DPP6: variants seen among roughly 807,000 people sequenced by gnomAD.
DPP6 encodes the protein dipeptidyl peptidase like 6.
A neutral mutation model predicts 122.6 loss-of-function variants in DPP6; 69 were observed. The observed-to-expected ratio is 0.56, with a 90% CI of 0.46 to 0.69. The LOEUF is 0.69. Ranked by LOEUF, DPP6 falls within the 30% of genes least tolerant of loss-of-function variation. The pLI is 0.00. For missense variants in DPP6, 928 were observed against 1,116.9 expected (o/e 0.83, Z 2.41); for synonymous variants, 418 against 433.1 (o/e 0.97, Z 0.43).
chr7:154,159,580 C>G (rs536943981), intron 1 of DPP6, among the ~76,000 whole-genome samples: 1 of 152,118 alleles, frequency 6.6e-6, no homozygotes, highest in Admixed American at 6.5e-5. Context: ...AAGAATTACT[C>G]TCTCCTCTCA....
At chr7:154,855,050 CCTAT>C (rs1802715802) in intron 17 of DPP6, among the ~76,000 whole-genome samples, 1 of 151,990 alleles carries the variant, frequency 6.6e-6, no homozygotes, top group African/African-American at 2.4e-5. Context: ...CTCCCTGATT[CCTAT>C]CTCTGTGGTG....
chr7:153,775,206 A>G, the DPP6 span, among the ~76,000 whole-genome samples: 2 of 145,116 alleles, frequency 1.4e-5, no homozygotes, highest in African/African-American at 5.1e-5. Context: ...ATCACAACCA[A>G]GTCAAGTTTG....
rs949213768 is a variant in DPP6, at chr7:153,932,819, A to G, written c.51+45085A>G. 3.3e-5 allele frequency among the ~76,000 whole-genome samples: 5 copies of G among 152,244 alleles called. No homozygotes were observed. In the East Asian group the frequency reaches 9.7e-4, roughly 29 times the overall value. On this transcript the variant is annotated intron_variant, in intron 1 of 25. Coordinates refer to the DPP6 transcript ENST00000404039. ...CCTCCTGATGATCTTAACCCGTGTCATATAGTTTGGCTGTGTCCCCACCCA... is the reference window on the plus strand; with the variant it reads ...CCTCCTGATGATCTTAACCCGTGTCGTATAGTTTGGCTGTGTCCCCACCCA...
intron 1 of DPP6, among the ~76,000 whole-genome samples, chr7:154,407,609 C>T (rs1816227734): frequency 6.6e-6 from 1 of 152,124 alleles, no homozygotes; most frequent in African/African-American, 2.4e-5. Flanking sequence ...GTTCATTTTC[C>T]TTTTGAATCC....
At chr7:154,792,977 T>C (rs1797783336) in intron 10 of DPP6, among the ~76,000 whole-genome samples, 1 of 152,208 alleles carries the variant, frequency 6.6e-6, no homozygotes, top group South Asian at 2.1e-4. Context: ...GAACCTTGAT[T>C]AACAAGTTTT....
chr7:154,726,376 G>C (rs1842065927), intron 7 of DPP6, among the ~76,000 whole-genome samples: 2 of 152,204 alleles, frequency 1.3e-5, no homozygotes, highest in African/African-American at 4.8e-5. Flanking sequence ...ATACTCCCAA[G>C]CCTCAACTCT....
At chr7:154,131,062 A>G in intron 1 of DPP6, among the ~76,000 whole-genome samples, 1 of 151,756 alleles carries the variant, frequency 6.6e-6, no homozygotes, top group Non-Finnish European at 1.5e-5. Flanking sequence ...ACACACCTTT[A>G]CTCTCTGGGT....
intron 3 of DPP6, among the ~76,000 whole-genome samples, chr7:154,477,185 G>A (rs772690029): frequency 6.6e-6 from 1 of 152,072 alleles, no homozygotes; most frequent in African/African-American, 2.4e-5. Context: ...TCTTTAGGGA[G>A]CAGGTTTGTC....
the DPP6 span, among the ~76,000 whole-genome samples, chr7:153,765,797 A>G: frequency 6.6e-6 from 1 of 152,204 alleles, no homozygotes; most frequent in East Asian, 1.9e-4. Context: ...TACACACCGT[A>G]CTGCAATTGC....
rs1467311173 is a variant in DPP6, at chr7:154,481,358, T to TGTGA, written c.457+6324_457+6325insAGTG. Among the ~76,000 whole-genome samples, 1 of 151,530 alleles carries TGTGA rather than the reference T, an allele frequency of 6.6e-6. No homozygotes were observed. On this transcript the variant is annotated intron_variant, in intron 3 of 25. Transcript: ENST00000377770. This position sits in a 1 kb window ranked among gnomAD's most constrained non-coding sequence, Gnocchi z 4.2. ...AGAGAGAGAGAGGGGTGTGTGTGTGTGTGTGTGTGTGTGTGTCTGTGTGTG... is the reference window on the plus strand; with the variant it reads ...AGAGAGAGAGAGGGGTGTGTGTGTGTGTGAGTGTGTGTGTGTGTGTCTGTGTGTG...
chr7:154,555,888 G>A (rs1247404245), intron 4 of DPP6, among the ~76,000 whole-genome samples: 1 of 151,866 alleles, frequency 6.6e-6, no homozygotes, highest in Non-Finnish European at 1.5e-5. Flanking sequence ...TAAAAAAATT[G>A]TATAATATTA....
intron 1 of DPP6, among the ~76,000 whole-genome samples, chr7:154,288,046 C>T (rs961462669): frequency 6.6e-6 from 1 of 152,164 alleles, no homozygotes; most frequent in South Asian, 2.1e-4. Flanking sequence ...CGAGGGGTGC[C>T]CCAGAGAGTG....
At chr7:153,923,832 A>C (rs567345783) in intron 1 of DPP6, among the ~76,000 whole-genome samples, 3 of 151,166 alleles carry the variant, frequency 2.0e-5, no homozygotes, top group African/African-American at 4.9e-5. Flanking sequence ...CACCCTGGTT[A>C]CATCTTTGTA....
intron 1 of DPP6, among the ~76,000 whole-genome samples, chr7:154,194,150 C>T (rs777086355): frequency 2.0e-5 from 3 of 152,108 alleles, no homozygotes; most frequent in South Asian, 2.1e-4. Context: ...CTGTGAAACC[C>T]GTCCCATTTC....
chr7:154,091,073 A>ATC lies in DPP6; in HGVS notation c.243+38010_243+38011insTC, dbSNP rs1431800257. Among the ~76,000 whole-genome samples the ATC allele has an allele frequency of 2.6e-5, 4 of 151,202 alleles. No homozygotes were observed. The East Asian group carries it at 7.9e-4, about 30-fold the overall frequency. On this transcript the variant is annotated intron_variant, in intron 1 of 25. Coordinates refer to ENST00000377770, the MANE Select transcript of DPP6 (RefSeq NM_130797.4). ...GAGGTGGAGCTTGCAGTGAGCCGAG[A>ATC]CTGCGCCACTGCACTCCAGCTTGGG...
chr7:154,782,593 G>A (rs1422662988), intron 10 of DPP6, among the ~76,000 whole-genome samples: 1 of 152,078 alleles, frequency 6.6e-6, no homozygotes, highest in African/African-American at 2.4e-5. Context: ...AATAGCGCTT[G>A]GAGTTATTCT....
chr7:154,141,885 A>G (rs577615455), intron 1 of DPP6, among the ~76,000 whole-genome samples: 1 of 152,316 alleles, frequency 6.6e-6, no homozygotes, highest in South Asian at 2.1e-4. Flanking sequence ...GGATTTAATG[A>G]TCAATTTGCT....
the DPP6 span, among the ~76,000 whole-genome samples, chr7:153,865,963 C>A: frequency 1.3e-5 from 2 of 152,110 alleles, no homozygotes; most frequent in East Asian, 3.9e-4. Context: ...TCATCCATGT[C>A]CCTATAAAGG....
intron 5 of DPP6, among the ~76,000 whole-genome samples, chr7:154,623,651 A>ACCCACGCG (rs1554413309): frequency 6.3e-4 from 91 of 144,776 alleles, no homozygotes; most frequent in Non-Finnish European, 1.0e-3. Flanking sequence ...ACGCGCACAC[A>ACCCACGCG]CGCGCACACA....
Sources: gnomAD v4.1 joint callset for allele counts (sites outside exome capture counted in the v4.1 genomes callset) on GRCh38, gnomAD v4.1.1 for gene constraint, Gnocchi (gnomAD v3.1) non-coding constraint, MANE v1.5 for transcripts, NCBI Gene and HGNC (gene_info 2026-07-23, HGNC 2026-07-21) for gene names.